Variants in PDE4D observed in about 807,000 individuals in gnomAD.
The protein encoded by PDE4D is phosphodiesterase 4D.
A neutral mutation model predicts 87.4 loss-of-function variants in PDE4D; 24 were observed. The observed-to-expected ratio is 0.27, with a 90% CI of 0.20 to 0.39. PDE4D has a LOEUF of 0.39. Ranked by LOEUF, PDE4D falls within the 10% of genes least tolerant of loss-of-function variation. The pLI, the probability that PDE4D is intolerant of heterozygous loss-of-function variation, is 1.00. For synonymous variants in PDE4D, 384 were observed against 383.2 expected (o/e 1.00, Z -0.02); for missense variants, 714 against 1,041.0 (o/e 0.69, Z 4.32).
At position 59,189,253 on chromosome 5, in the gene PDE4D, G is replaced by GTTTT. The variant is rs5868167; in HGVS notation, c.685-3995_685-3992dup. Among the ~76,000 whole-genome samples the GTTTT allele has an allele frequency of 6.3e-4, 76 of 120,836 alleles. 1 individual carries two copies. The highest frequency in any genetic ancestry group is 8.4e-4 in the African/African-American group (26 of 31,120). 79.3% of individuals were successfully genotyped at this position (120,836 alleles called of 152,430 possible). On this transcript the variant is annotated intron_variant, in intron 3 of 14. Coordinates refer to ENST00000340635, the MANE Select transcript of PDE4D (RefSeq NM_001104631.2). ...CCCCGTTTTTTTTTTTGTTTTTTTT[G>GTTTT]TTTTTTTTTTTTTGAGACGGAGTTT...
chr5:59,585,791 A>G (rs1480207997), intron 1 of PDE4D, among the ~76,000 whole-genome samples: 1 of 151,178 alleles, frequency 6.6e-6, no homozygotes, highest in Non-Finnish European at 1.5e-5. Flanking sequence ...TTAGAATTCT[A>G]CTAGAATTCT....
chr5:59,438,217 C>A (rs1797070231), intron 1 of PDE4D, among the ~76,000 whole-genome samples: 1 of 152,120 alleles, frequency 6.6e-6, no homozygotes, highest in Non-Finnish European at 1.5e-5. Context: ...GGGTACACAG[C>A]CAAATCATAT....
intron 5 of PDE4D, among the ~76,000 whole-genome samples, chr5:59,057,602 A>G (rs760012346): frequency 1.3e-5 from 2 of 152,200 alleles, no homozygotes; most frequent in African/African-American, 4.8e-5. Context: ...CCAATGCTGG[A>G]TAACTGAGAT....
intron 1 of PDE4D, among the ~76,000 whole-genome samples, chr5:60,516,913 T>A (rs894658765): frequency 2.6e-5 from 4 of 152,050 alleles, no homozygotes; most frequent in African/African-American, 9.7e-5. Flanking sequence ...CCCCACCCAC[T>A]TCTGAGTGTG....
At chr5:60,488,403 G>A (rs1489886125), upstream of PDE4D, 1 of 151,886 alleles carries the variant, frequency 6.6e-6, no homozygotes, top group Admixed American at 6.6e-5. Context: ...CAAAGGGCAG[G>A]CACGGCAGCA....
intron 1 of PDE4D, among the ~76,000 whole-genome samples, chr5:59,218,497 C>T (rs1408087336): frequency 6.6e-6 from 1 of 151,970 alleles, no homozygotes; most frequent in African/African-American, 2.4e-5. Flanking sequence ...ACTTTTAAGC[C>T]ATAATATTAG....
At chr5:60,106,343 C>A (rs942286396) in intron 2 of PDE4D, among the ~76,000 whole-genome samples, 6 of 151,668 alleles carry the variant, frequency 4.0e-5, no homozygotes, top group African/African-American at 1.5e-4. Flanking sequence ...TACAGGAGCA[C>A]CCAGATTCAT....
chr5:59,866,900 C>T (rs573370681), intron 1 of PDE4D, among the ~76,000 whole-genome samples: 1 of 152,154 alleles, frequency 6.6e-6, no homozygotes, highest in African/African-American at 2.4e-5. Context: ...TTAGACTAAG[C>T]CTTCCATCAG....
chr5:59,602,100 GC>G (rs1170975199), intron 1 of PDE4D, among the ~76,000 whole-genome samples: 9 of 152,090 alleles, frequency 5.9e-5, no homozygotes, highest in Non-Finnish European at 2.9e-5. Flanking sequence ...TCCTAGGGAT[GC>G]AAGGATGGCT....
At chr5:59,331,455 T>A (rs1776716248) in intron 1 of PDE4D, among the ~76,000 whole-genome samples, 1 of 152,166 alleles carries the variant, frequency 6.6e-6, no homozygotes, top group Non-Finnish European at 1.5e-5. Context: ...TCTACCCTAA[T>A]GATCTCATTT....
intron 1 of PDE4D, among the ~76,000 whole-genome samples, chr5:59,450,915 C>CTCAGATGGAACCAG (rs6149040): frequency 0.036 from 5,504 of 152,242 alleles, 344 homozygotes; most frequent in African/African-American, 0.12. Flanking sequence ...TCCATAAGCA[C>CTCAGATGGAACCAG]TTATTTTTCA....
chr5:59,988,835 G>A, intron 2 of PDE4D: 1 of 541,534 alleles, frequency 1.8e-6, no homozygotes, highest in South Asian at 3.4e-5. Context: ...CATGAAAAAT[G>A]CTATCTAGAA....
chr5:60,408,121 G>C (rs1365139997), intron 1 of PDE4D, among the ~76,000 whole-genome samples: 1 of 152,126 alleles, frequency 6.6e-6, no homozygotes, highest in African/African-American at 2.4e-5. Flanking sequence ...GTCTTTATGT[G>C]ACCCCATCCT....
chr5:60,042,633 G>T (rs905811896), intron 2 of PDE4D, among the ~76,000 whole-genome samples: 1 of 152,192 alleles, frequency 6.6e-6, no homozygotes. Flanking sequence ...TACAGCCTCT[G>T]CTGGTGATAC....
At chr5:59,498,727 T>C (rs909252211) in intron 1 of PDE4D, among the ~76,000 whole-genome samples, 11 of 152,028 alleles carry the variant, frequency 7.2e-5, no homozygotes, top group Non-Finnish European at 1.5e-4. Context: ...ATAAGAAGAC[T>C]TAACTATCCT....
At position 59,283,373 on chromosome 5, in the gene PDE4D, A is replaced by G. The variant is rs376682664; in HGVS notation, c.456-67405T>C. ...GTGTAGTTTTCCTGACTTCTATTTT[A>G]CACATCTAAGGTTTTTTTCTCTTAT... is the stretch of plus-strand genomic sequence containing the variant. On this transcript the variant is annotated intron_variant, in intron 1 of 14. Coordinates refer to ENST00000340635, the MANE Select transcript of PDE4D (RefSeq NM_001104631.2). Among the ~76,000 whole-genome samples the G allele has an allele frequency of 2.6e-5, 4 of 152,240 alleles. No individual in the cohort carries two copies. The East Asian group carries it at 7.7e-4, about 29-fold the overall frequency.
chr5:58,978,642 G>A (rs997045928), intron 11 of PDE4D, among the ~76,000 whole-genome samples: 7 of 152,032 alleles, frequency 4.6e-5, no homozygotes, highest in Non-Finnish European at 8.8e-5. Context: ...TTATTTTATC[G>A]GAACTATAGA....
intron 1 of PDE4D, among the ~76,000 whole-genome samples, chr5:59,700,416 G>T (rs1752396695): frequency 1.3e-5 from 2 of 152,072 alleles, no homozygotes; most frequent in Non-Finnish European, 1.5e-5. Context: ...CAATCAAAAT[G>T]GGTAAGAATG....
rs1408116564 is a variant in PDE4D, at chr5:60,257,418, G to A, written c.-89-71731C>T. 3.9e-5 allele frequency among the ~76,000 whole-genome samples: 6 copies of A among 151,974 alleles called. No homozygotes were observed. The East Asian group carries it at 5.8e-4, about 15-fold the overall frequency. On this transcript the variant is annotated intron_variant, in intron 1 of 16. Transcript: ENST00000502484. ...AATTTTTGTGGCAGCGGCGATATCTGAACTATTTTCAAGTATTTCATGCAA... is the reference window on the plus strand; with the variant it reads ...AATTTTTGTGGCAGCGGCGATATCTAAACTATTTTCAAGTATTTCATGCAA...
Sources: gnomAD v4.1 joint callset for allele counts (sites outside exome capture counted in the v4.1 genomes callset) on GRCh38, gnomAD v4.1.1 for gene constraint, MANE v1.5 for transcripts, NCBI Gene and HGNC (gene_info 2026-07-23, HGNC 2026-07-21) for gene names.